BOD1L1: variants seen among roughly 807,000 people sequenced by gnomAD.
BOD1L1 encodes biorientation of chromosomes in cell division protein 1-like 1.
In BOD1L1, 86 loss-of-function variants were observed where a neutral mutation model predicts 240.7. The ratio of observed to expected loss-of-function variants is 0.36; its 90% CI spans 0.30 to 0.43. BOD1L1 has a LOEUF of 0.43. Among genes scored for constraint, BOD1L1 ranks in the 20% least tolerant of loss-of-function variants. BOD1L1 has a pLI of 1.00. For synonymous variants in BOD1L1, 1,268 were observed against 1,272.3 expected (o/e 1.00, Z 0.07); for missense variants, 3,554 against 3,643.5 (o/e 0.98, Z 0.63).
At chr4:13,623,962 T>G (rs1487647181) in intron 1 of BOD1L1, 1 of 152,132 alleles carries the variant, frequency 6.6e-6, no homozygotes, top group Non-Finnish European at 1.5e-5. Flanking sequence ...ACTCATCATA[T>G]TGATATGAAT....
rs1029935582 is a variant in BOD1L1 at position 13,591,982 on chromosome 4, A to T, written c.8105-16T>A. The T allele has an allele frequency of 7.9e-6, 12 of 1,528,102 alleles. No individual in the cohort carries two copies. Among genetic ancestry groups the T allele is most frequent in the Non-Finnish European group, 1.1e-5 (12 of 1,134,532 alleles). The allele number at this position is 1,528,102 out of a possible 1,614,324, so 94.7% of individuals were successfully genotyped here. A position where few individuals can be genotyped will look rare whatever the true frequency, so the allele number is the denominator to read the frequency against. On this transcript the variant is annotated splice_polypyrimidine_tract_variant and intron_variant, in intron 12 of 25. Transcript: ENST00000040738. The stretch of plus-strand genomic sequence containing the variant: ...TGGAGTTCAGCTGTTCAAAAATAAA[A>T]ATGAGATGTAAAGAAACTGAATATT...
chr4:13,585,836 C>CT (rs1713637919), intron 17 of BOD1L1, among the ~76,000 whole-genome samples: 1 of 152,100 alleles, frequency 6.6e-6, no homozygotes, highest in Non-Finnish European at 1.5e-5. Flanking sequence ...CTGCACATGC[C>CT]CTCTTGCCTG....
Position 13,588,702 on chromosome 4 carries a change from TTG to T in BOD1L1, c.8280+18_8280+19del. 6.4e-7 allele frequency: 1 copy of T among 1,562,180 alleles called. No individual in the cohort carries two copies. The highest frequency in any genetic ancestry group is 8.7e-7 in the Non-Finnish European group (1 of 1,148,916). ...ATATTATGTATAAAATATCAAACAC[TTG>T]AGTTTATTAAAATGCACCTCTTTAG... On this transcript the variant is annotated intron_variant, in intron 15 of 25. Transcript: ENST00000040738.
rs372545904 is a variant in BOD1L1, at chr4:13,599,224, G to A, written c.7676C>T (p.Ser2559Phe). 5.0e-5 allele frequency: 80 copies of A among 1,613,812 alleles called. No homozygotes were observed. The Admixed American group carries it at 6.5e-4, about 13-fold the overall frequency. The stretch of plus-strand genomic sequence containing the variant: ...GGTACTGGTTTTCAAGTTGTCTTCA[G>A]ACCCCTGCTGCTCAGCAGGAAGAAA... ...HSFLPAEQQGSEDNLKTSTTK... is the reference protein window; with the variant it reads ...HSFLPAEQQGFEDNLKTSTTK... Residue 2559 changes from serine (S) to phenylalanine (F), a missense_variant, in exon 10 of 26, where the codon TCT becomes TTT. Transcript: ENST00000040738.
In BOD1L1 at chr4:13,582,309, A is replaced by C. The variant is rs778241330; in HGVS notation, c.8520T>G (p.Asp2840Glu). ...CAGTAGTTTCACTGCTGCTATATTC[A>C]TCTGTAGAAAAGGAAGAACTTTGTT... ...STTSRVMEEK[D>E]EYSSSETTGE... The change falls in exon 19 of 26, where the codon GAT (aspartate) becomes GAG (glutamate). Residue 2840 changes from aspartate (D) to glutamate (E), a missense_variant and splice_region_variant. Around this residue, in one of 2 missense-constraint regions of BOD1L1, gnomAD observed 3,393 missense variants for 3,427.1 expected, o/e 0.99. Transcript: ENST00000040738. 8 of 1,612,100 alleles carry C rather than the reference A, an allele frequency of 5.0e-6. No individual in the cohort carries two copies. Among genetic ancestry groups the C allele is most frequent in the Non-Finnish European group, 5.9e-6 (7 of 1,179,046 alleles).
Position 13,601,642 on chromosome 4 carries a change from C to T in BOD1L1, c.5258G>A (p.Arg1753His), listed in dbSNP as rs112328769. 23 of 1,613,838 alleles carry T rather than the reference C, an allele frequency of 1.4e-5. No individual in the cohort carries two copies. In the East Asian group the frequency reaches 2.0e-4, roughly 14 times the overall value. Reference sequence around the variant, plus strand: ...GACAACACCTGCACCTGTAACCATGCGTTCCTCCCGGGGCCCTGCTCCAGT... The same window carrying T: ...GACAACACCTGCACCTGTAACCATGTGTTCCTCCCGGGGCCCTGCTCCAGT... Reference protein sequence around the residue: ...SVTGAGPREERMVTGAGVVLG... With the variant: ...SVTGAGPREEHMVTGAGVVLG... The change falls in exon 10 of 26, where the codon CGC becomes CAC. Residue 1753 changes from arginine to histidine, a missense_variant. This residue lies in a region of BOD1L1 where 3,393 missense variants were observed against 3,427.1 expected (regional missense o/e 0.99). Coordinates refer to ENST00000040738, the MANE Select transcript of BOD1L1 (RefSeq NM_148894.3).
intron 4 of BOD1L1, among the ~76,000 whole-genome samples, 159 bp downstream of exon 4, chr4:13,614,037 A>C (rs1167193585): frequency 2.6e-5 from 4 of 152,178 alleles, no homozygotes; most frequent in Non-Finnish European, 4.4e-5. Flanking sequence ...AGTACACAAA[A>C]ATACAAATAT....
At position 13,604,484 on chromosome 4, in the gene BOD1L1, C is replaced by T. The variant is rs770831106; in HGVS notation, c.2416G>A (p.Gly806Arg). The change falls in exon 10 of 26, where the codon GGA (glycine) becomes AGA (arginine). Residue 806 changes from glycine to arginine, a missense_variant. Transcript: ENST00000040738. ...ERKLSVLGKD[G>R]KPVSEYIIKT... ...ATAATATATTCAGAAACTGGCTTTCCATCTTTGCCTAATACTGATAATTTC... is the reference window on the plus strand; with the variant it reads ...ATAATATATTCAGAAACTGGCTTTCTATCTTTGCCTAATACTGATAATTTC... 2 of 1,532,620 alleles carry T rather than the reference C, an allele frequency of 1.3e-6. No individual in the cohort carries two copies. Among genetic ancestry groups the T allele is most frequent in the South Asian group, 2.6e-5 (2 of 75,944 alleles). The allele number at this position is 1,532,620 out of a possible 1,614,324, so 94.9% of individuals were successfully genotyped here. A position where few individuals can be genotyped will look rare whatever the true frequency, so the allele number is the denominator to read the frequency against.
chr4:13,580,085 G>T (rs1466547723), intron 21 of BOD1L1, 112 bp from the exon 22 acceptor site: 1 of 717,768 alleles, frequency 1.4e-6, no homozygotes, highest in Non-Finnish European at 2.3e-6. Flanking sequence ...TTACATAGGC[G>T]TATTTGAGAC....
chr4:13,615,641 T>C, intron 2 of BOD1L1, 139 bp from the exon 3 acceptor site: 1 of 812,134 alleles, frequency 1.2e-6, no homozygotes. Context: ...TTTACTTGGA[T>C]ATAGACAATG....
intron 2 of BOD1L1, among the ~76,000 whole-genome samples, chr4:13,619,234 A>C (rs1716850656): frequency 6.7e-6 from 1 of 149,896 alleles, no homozygotes; most frequent in South Asian, 2.1e-4. Flanking sequence ...GCTTGAGCCC[A>C]GGAGATTGAG....
Position 13,604,183 on chromosome 4 carries a change from T to C in BOD1L1, c.2717A>G (p.Glu906Gly). ...TGATTTAGACTTCAACACAAGTTTC[T>C]CTTCTAACAAGCTCTTTGTTCGTCG... ...EKRRTKSLLE[E>G]KLVLKSKSKT... The change falls in exon 10 of 26, where the codon GAG (glutamate) becomes GGG (glycine). Residue 906 changes from glutamate (E) to glycine (G), a missense_variant. Around this residue, in one of 2 missense-constraint regions of BOD1L1, gnomAD observed 3,393 missense variants for 3,427.1 expected, o/e 0.99. Transcript: ENST00000040738. 1.2e-6 allele frequency: 2 copies of C among 1,613,008 alleles called. No homozygotes were observed. Among genetic ancestry groups the C allele is most frequent in the East Asian group, 2.2e-5 (1 of 44,868 alleles).
rs1194231070 is a variant in BOD1L1, at chr4:13,604,734, T to A, written c.2166A>T (p.Lys722Asn). The stretch of plus-strand genomic sequence containing the variant: ...CTCTTTCAGGCTTCTCCTTGGAGGA[T>A]TTCACCTCTTTCTTAAGTAGGCTTT... ...HLKSLLKKEV[K>N]SSKEKPEREK... The change falls in exon 10 of 26, where the codon AAA becomes AAT. Residue 722 changes from lysine to asparagine, a missense_variant. Coordinates refer to ENST00000040738, the MANE Select transcript of BOD1L1 (RefSeq NM_148894.3). 2.5e-6 allele frequency: 4 copies of A among 1,611,424 alleles called. No individual in the cohort carries two copies. The South Asian group carries it at 4.4e-5, about 18-fold the overall frequency.
intron 25 of BOD1L1, among the ~76,000 whole-genome samples, chr4:13,570,464 G>A (rs891395909): frequency 4.6e-5 from 7 of 152,052 alleles, no homozygotes; most frequent in Admixed American, 2.0e-4. Flanking sequence ...CATCAACAGC[G>A]GGTCCCACCA....
intron 25 of BOD1L1, chr4:13,572,928 T>C (rs1712336920): frequency 8.7e-7 from 1 of 1,149,188 alleles, no homozygotes; most frequent in Non-Finnish European, 1.1e-6. Context: ...AGGCTCCTTG[T>C]GGGCAAGTCA....
At chr4:13,593,243 C>A in intron 12 of BOD1L1, 1 of 152,086 alleles carries the variant, frequency 6.6e-6, no homozygotes, top group East Asian at 1.9e-4. Flanking sequence ...TCCCCCAATC[C>A]AATTTTATGA....
chr4:13,572,835 G>C, intron 25 of BOD1L1: 1 of 1,289,692 alleles, frequency 7.8e-7, no homozygotes, highest in Non-Finnish European at 1.0e-6. Context: ...GGCTTGCTAT[G>C]TTGCTTTCTG....
chr4:13,610,242 TAC>T (rs1716052462), intron 6 of BOD1L1, among the ~76,000 whole-genome samples: 3 of 152,232 alleles, frequency 2.0e-5, no homozygotes, highest in African/African-American at 7.2e-5. Flanking sequence ...AATTCAGTGG[TAC>T]ATTTTATAAT....
rs1361004904 is a variant in BOD1L1, at chr4:13,600,325, C to A, written c.6575G>T (p.Gly2192Val). 2.5e-6 allele frequency: 4 copies of A among 1,613,990 alleles called. No homozygotes were observed. Among genetic ancestry groups the A allele is most frequent in the Non-Finnish European group, 3.4e-6 (4 of 1,179,882 alleles). Reference protein sequence around the residue: ...PVLISTADFEGPMPSAPPEAE... With the variant: ...PVLISTADFEVPMPSAPPEAE... Reference sequence around the variant, plus strand: ...TTCTGGGGGCGCACTGGGCATAGGCCCCTCAAAGTCGGCGGTGCTTATCAA... The same window carrying A: ...TTCTGGGGGCGCACTGGGCATAGGCACCTCAAAGTCGGCGGTGCTTATCAA... Residue 2192 changes from glycine to valine, a missense_variant, in exon 10 of 26, where the codon GGG (glycine) becomes GTG (valine). Around this residue, in one of 2 missense-constraint regions of BOD1L1, gnomAD observed 3,393 missense variants for 3,427.1 expected, o/e 0.99. Coordinates refer to ENST00000040738, the MANE Select transcript of BOD1L1 (RefSeq NM_148894.3).
Sources: allele counts gnomAD v4.1 joint callset (sites outside exome capture counted in the v4.1 genomes callset), GRCh38; gene constraint gnomAD v4.1.1; regional missense constraint gnomAD v4.1.1; transcripts MANE v1.5; gene names NCBI Gene and HGNC (gene_info 2026-07-23, HGNC 2026-07-21).